The following MRPL4 variants were observed in gnomAD, a reference collection of about 807,000 sequenced individuals.
MRPL4 encodes the protein large ribosomal subunit protein uL4m.
Under a neutral mutation model 34.1 loss-of-function variants are expected in MRPL4, and 34 were observed. That is an observed-to-expected ratio of 1.00 (90% CI 0.76 to 1.33). The LOEUF (loss-of-function observed/expected upper bound fraction) is 1.33, where lower values mean the gene tolerates loss of function less well. Among genes scored for constraint, MRPL4 ranks in the 40% most tolerant of loss-of-function variants. The pLI, the probability that MRPL4 is intolerant of heterozygous loss-of-function variation, is 0.00. For missense variants in MRPL4, 402 were observed against 434.6 expected (o/e 0.92, Z 0.67); for synonymous variants, 196 against 188.3 (o/e 1.04, Z -0.33).
At chr19:10,255,522 CAG>C (rs2039842215) in intron 4 of MRPL4, 2 of 152,622 alleles carry the variant, frequency 1.3e-5, no homozygotes. Context: ...ATAACAGGAA[CAG>C]GGTGTGCAAA....
At chr19:10,258,378 G>A in intron 6 of MRPL4, 35 bp from the exon 7 acceptor site, 2 of 1,613,896 alleles carry the variant, frequency 1.2e-6, no homozygotes, top group Non-Finnish European at 1.7e-6. Flanking sequence ...GGCTGCTCTG[G>A]ACCCAGGGTT....
upstream of MRPL4, chr19:10,252,106 G>C: frequency 1.0e-6 from 1 of 966,480 alleles, no homozygotes; most frequent in South Asian, 1.7e-5. Context: ...CGCCGGGTCG[G>C]ACCCCCTCCA....
intron 3 of MRPL4, among the ~76,000 whole-genome samples, chr19:10,253,224 C>G (rs1377457415): frequency 1.3e-5 from 2 of 152,126 alleles, no homozygotes; most frequent in Non-Finnish European, 2.9e-5. Context: ...CGCCTGTAAT[C>G]CCAGCACTTT....
chr19:10,252,734 C>T, intron 3 of MRPL4, 33 bp downstream of exon 3: 1 of 1,585,278 alleles, frequency 6.3e-7, no homozygotes, highest in Non-Finnish European at 8.6e-7. Context: ...AACTGAGTGG[C>T]AGAGGGATGA....
chr19:10,259,025 G>A, intron 8 of MRPL4: 1 of 1,408,574 alleles, frequency 7.1e-7, no homozygotes, highest in Admixed American at 3.0e-5. Context: ...CTTGAGCTCA[G>A]GGGGCCAAGG....
intron 4 of MRPL4, chr19:10,255,730 A>T (rs2039844633): frequency 6.6e-6 from 1 of 152,586 alleles, no homozygotes; most frequent in Admixed American, 6.5e-5. Context: ...CTAGGAATAA[A>T]GTCATCAGTC....
At chr19:10,256,878 C>A in intron 5 of MRPL4, 53 bp downstream of exon 5, 1 of 1,238,028 alleles carries the variant, frequency 8.1e-7, no homozygotes, top group Non-Finnish European at 1.1e-6. Context: ...CAGGGAAGGG[C>A]CTGGGTGTTT....
At chr19:10,258,130 C>G in intron 5 of MRPL4, 92 bp from the exon 6 acceptor site, 6 of 886,644 alleles carry the variant, frequency 6.8e-6, no homozygotes, top group South Asian at 1.5e-5. Flanking sequence ...AGCGCCCCCT[C>G]TCTCGTCACC....
Position 10,254,728 on chromosome 19 carries a change from T to C in MRPL4, c.327+88T>C, listed in dbSNP as rs2039832684. 6 of 1,408,014 alleles carry C rather than the reference T, an allele frequency of 4.3e-6. No individual in the cohort carries two copies. In the East Asian group the frequency reaches 1.4e-4, roughly 33 times the overall value. The allele number at this position is 1,408,014 out of a possible 1,614,324, so 87.2% of individuals were successfully genotyped here. ...CCAGAGGAAGCCCATCGCTGGGTTT[T>C]CTCTGGACTGCTCGGCTGGGGCCTC... is the stretch of plus-strand genomic sequence containing the variant. On this transcript the variant is annotated intron_variant, in intron 4 of 8. Transcript: ENST00000253099.
chr19:10,259,072 C>G, intron 8 of MRPL4: 2 of 1,265,690 alleles, frequency 1.6e-6, no homozygotes, highest in Non-Finnish European at 2.0e-6. Flanking sequence ...GCACCCAAAC[C>G]TGGGGAGAGA....
At position 10,258,500 on chromosome 19, in the gene MRPL4, G is replaced by A. The variant is rs373878760; in HGVS notation, c.640G>A (p.Asp214Asn). 3.5e-5 allele frequency: 56 copies of A among 1,614,118 alleles called. No homozygotes were observed. The South Asian group carries it at 5.5e-4, about 16-fold the overall frequency. ...TELAHYRRWG[D>N]SVLLVDLTHE... ...GCTGGCGCACTACCGCCGCTGGGGG[G>A]ACTCCGTACTCCTCGTGGACTTGTG... The change falls in exon 7 of 9, where the codon GAC becomes AAC. Residue 214 changes from aspartate (D) to asparagine (N), a missense_variant. Asp to Asn is a conservative substitution (Grantham distance 23). Coordinates refer to ENST00000253099, the MANE Select transcript of MRPL4 (RefSeq NM_015956.3).
In MRPL4 at chr19:10,258,615, C is replaced by A; in HGVS notation, c.669C>A (p.His223Gln). 2 of 1,614,174 alleles carry A rather than the reference C, an allele frequency of 1.2e-6. No homozygotes were observed. The highest frequency in any genetic ancestry group is 1.7e-6 in the Non-Finnish European group (2 of 1,180,036). ...TCCCTGGCCTCTCTTACAGAACACACGAGGAGATGCCACAGAGCATCGTGG... is the reference window on the plus strand; with the variant it reads ...TCCCTGGCCTCTCTTACAGAACACAAGAGGAGATGCCACAGAGCATCGTGG... ...GDSVLLVDLT[H>Q]EEMPQSIVEA... The change falls in exon 8 of 9, where the codon CAC (histidine) becomes CAA (glutamine). Residue 223 changes from histidine (H) to glutamine (Q), a missense_variant. Coordinates refer to ENST00000253099, the MANE Select transcript of MRPL4 (RefSeq NM_015956.3).
chr19:10,259,489 C>A, intron 8 of MRPL4, 128 bp from the exon 9 acceptor site: 1 of 1,464,038 alleles, frequency 6.8e-7, no homozygotes. Flanking sequence ...GGCTGCTGGG[C>A]TCACAAAGTC....
chr19:10,258,726 G>T (rs778859140), intron 8 of MRPL4, 41 bp downstream of exon 8: 9 of 1,613,838 alleles, frequency 5.6e-6, no homozygotes, highest in South Asian at 4.4e-5. Flanking sequence ...GCATGTGCAG[G>T]CTCCGCTGTT....
chr19:10,257,649 A>T (rs1216691733), intron 5 of MRPL4, among the ~76,000 whole-genome samples: 1 of 151,846 alleles, frequency 6.6e-6, no homozygotes, highest in East Asian at 1.9e-4. Context: ...TTGCTCCCAG[A>T]TCATACTGCT....
rs190200515 is a variant in MRPL4, at chr19:10,258,748, G to T, written c.739+63G>T. ...CAGGCTCCGCTGTTAGAATCACAGCGGTTCAAATCCGGCATCTGGTCGCTG... is the reference window on the plus strand; with the variant it reads ...CAGGCTCCGCTGTTAGAATCACAGCTGTTCAAATCCGGCATCTGGTCGCTG... On this transcript the variant is annotated intron_variant, in intron 8 of 8. Coordinates refer to ENST00000253099, the MANE Select transcript of MRPL4 (RefSeq NM_015956.3). 1.0e-3 allele frequency: 1,654 copies of T among 1,613,556 alleles called. 17 individuals carry two copies. In the African/African-American group the frequency reaches 0.02, roughly 19 times the overall value.
At chr19:10,258,568 A>C (rs770463835) in intron 7 of MRPL4, 41 bp from the exon 8 acceptor site, 27 of 1,613,844 alleles carry the variant, frequency 1.7e-5, no homozygotes, top group Non-Finnish European at 1.9e-5. Context: ...TGAGCTCCGT[A>C]CTCTGAGGGT....
chr19:10,258,838 T>C, intron 8 of MRPL4, 153 bp downstream of exon 8: 1 of 1,574,240 alleles, frequency 6.4e-7, no homozygotes, highest in Non-Finnish European at 8.6e-7. Flanking sequence ...CAATAATCTT[T>C]CCTAAAGAAG....
Position 10,256,593 on chromosome 19 carries a change from G to A in MRPL4, c.328-115G>A, listed in dbSNP as rs576298690. The A allele has an allele frequency of 4.1e-5, 33 of 812,212 alleles. No homozygotes were observed. In the African/African-American group the frequency reaches 5.0e-4, roughly 12 times the overall value. 50.3% of individuals were successfully genotyped at this position (812,212 alleles called of 1,614,324 possible). On this transcript the variant is annotated intron_variant, in intron 4 of 8. Coordinates refer to ENST00000253099, the MANE Select transcript of MRPL4 (RefSeq NM_015956.3). The stretch of plus-strand genomic sequence containing the variant: ...TCCCCAAGTACTCTGTGCTTGGCCA[G>A]AGAGAGCCCGTCATCATGGTGCCTC...
Sources: gnomAD v4.1 joint callset for allele counts (sites outside exome capture counted in the v4.1 genomes callset) on GRCh38, gnomAD v4.1.1 for gene constraint, MANE v1.5 for transcripts, NCBI Gene and HGNC (gene_info 2026-07-23, HGNC 2026-07-21) for gene names.